GUSB: variants seen among roughly 807,000 people sequenced by gnomAD.
GUSB encodes beta-glucuronidase.
In GUSB, 51 loss-of-function variants were observed where a neutral mutation model predicts 74.6. The observed-to-expected ratio is 0.68, with a 90% CI of 0.55 to 0.86. The LOEUF (loss-of-function observed/expected upper bound fraction) is 0.86, where lower values mean the gene tolerates loss of function less well. GUSB is among the 40% of genes least tolerant of loss of function. The pLI, the probability that GUSB is intolerant of heterozygous loss-of-function variation, is 0.00. For synonymous variants in GUSB, 360 were observed against 348.3 expected, an observed-to-expected ratio of 1.03 and a Z score of -0.37; for missense variants, 736 against 853.7, an observed-to-expected ratio of 0.86 and a Z score of 1.72.
At chr7:65,972,374 C>A (rs116805163) in intron 8 of GUSB, among the ~76,000 whole-genome samples, 2 of 152,120 alleles carry the variant, frequency 1.3e-5, no homozygotes, top group African/African-American at 4.8e-5. Flanking sequence ...CTGTTGGCCA[C>A]GCCGGTCTCA....
At chr7:65,962,831 C>G (rs1790586124) in intron 11 of GUSB, among the ~76,000 whole-genome samples, 2 of 151,542 alleles carry the variant, frequency 1.3e-5, no homozygotes, top group South Asian at 4.2e-4. Context: ...GAGATAGCGC[C>G]ACTGCACTCC....
At chr7:65,975,866 A>T in intron 5 of GUSB, 149 bp downstream of exon 5, 2 of 600,352 alleles carry the variant, frequency 3.3e-6, no homozygotes, top group South Asian at 2.1e-5. Flanking sequence ...AAAAAAAAAA[A>T]GAAAATGGGC....
intron 8 of GUSB, among the ~76,000 whole-genome samples, chr7:65,972,444 G>A (rs1365286280): frequency 6.6e-6 from 1 of 152,146 alleles, no homozygotes; most frequent in African/African-American, 2.4e-5. Context: ...GATTACAGGC[G>A]TGAGCCACCG....
intron 5 of GUSB, chr7:65,975,671 C>T: frequency 4.3e-6 from 1 of 230,894 alleles, no homozygotes; most frequent in Non-Finnish European, 8.6e-6. Flanking sequence ...AGGCATGAGT[C>T]ACTCTGCCCA....
chr7:65,970,375 A>G lies in GUSB; in HGVS notation c.1392-9T>C, dbSNP rs1205282316. ...TGTGAGCGATCACCATCCTGTCCAC[A>G]AAAGGCAGAAGAAACAGGTTCCATC... On this transcript the variant is annotated splice_polypyrimidine_tract_variant and intron_variant, in intron 8 of 11. Transcript: ENST00000304895. The G allele has an allele frequency of 6.2e-7, 1 of 1,601,278 alleles. No homozygotes were observed. The highest frequency in any genetic ancestry group is 2.2e-5 in the East Asian group (1 of 44,752).
At position 65,982,147 on chromosome 7, in the gene GUSB, C is replaced by T. The variant is rs1792077216; in HGVS notation, c.37G>A (p.Gly13Arg). 6.5e-7 allele frequency: 1 copy of T among 1,536,906 alleles called. No homozygotes were observed. Reference protein sequence around the residue: ...RGSAVAWAALGPLLWGCALGL... With the variant: ...RGSAVAWAALRPLLWGCALGL... ...AGCGCGCAGCCCCACAACAACGGCC[C>T]GAGCGCCGCCCAGGCAACCGCCGAC... Residue 13 changes from glycine to arginine, a missense_variant, in exon 1 of 12, where the codon GGG becomes AGG. By Grantham distance (125) the Gly-to-Arg change is moderately radical (BLOSUM62 -2). Transcript: ENST00000304895.
chr7:65,980,082 G>T (rs1791892083), intron 2 of GUSB, 142 bp downstream of exon 2: 2 of 984,340 alleles, frequency 2.0e-6, no homozygotes, highest in Admixed American at 2.0e-5. Context: ...CCCCTATACA[G>T]GGCACAGCCC....
At chr7:65,978,000 C>T (rs1001551410) in intron 4 of GUSB, among the ~76,000 whole-genome samples, 2 of 151,170 alleles carry the variant, frequency 1.3e-5, no homozygotes, top group Admixed American at 1.3e-4. Flanking sequence ...TTAGTAGAGA[C>T]GGAGTTTCAC....
intron 4 of GUSB, among the ~76,000 whole-genome samples, chr7:65,978,634 T>C (rs891316367): frequency 1.3e-5 from 2 of 149,658 alleles, no homozygotes; most frequent in Non-Finnish European, 3.0e-5. Flanking sequence ...TAGCCGGGCG[T>C]GGTGGCGGGT....
intron 11 of GUSB, among the ~76,000 whole-genome samples, chr7:65,963,199 C>T (rs1428821896): frequency 6.6e-6 from 1 of 152,138 alleles, no homozygotes; most frequent in Admixed American, 6.6e-5. Flanking sequence ...CACCTCTCCA[C>T]AAAACTGCCA....
chr7:65,970,167 T>G, intron 9 of GUSB, 115 bp downstream of exon 9: 1 of 749,410 alleles, frequency 1.3e-6, no homozygotes, highest in South Asian at 1.4e-5. Context: ...AAAAAGAAAA[T>G]GAAATAAAAC....
rs181191584 is a variant in GUSB, at chr7:65,976,951, C to T, written c.725-749G>A. Among the ~76,000 whole-genome samples, 283 of 151,948 alleles carry T rather than the reference C, an allele frequency of 1.9e-3. 3 individuals carry two copies. Among genetic ancestry groups the T allele is most frequent in the African/African-American group, 6.6e-3 (275 of 41,498 alleles). On this transcript the variant is annotated intron_variant, in intron 4 of 11. Transcript: ENST00000304895. Reference sequence around the variant, plus strand: ...CCGTGTCCCTCAGACATGCCAACCACGGCACTGAGACACGTGACGTGTGAA... The same window carrying T: ...CCGTGTCCCTCAGACATGCCAACCATGGCACTGAGACACGTGACGTGTGAA...
Position 65,974,517 on chromosome 7 carries a change from G to T in GUSB, c.1244+9C>A. The T allele has an allele frequency of 6.2e-7, 1 of 1,614,158 alleles. No homozygotes were observed. The highest frequency in any genetic ancestry group is 1.1e-5 in the South Asian group (1 of 91,092). On this transcript the variant is annotated intron_variant, in intron 7 of 11. Coordinates refer to ENST00000304895, the MANE Select transcript of GUSB (RefSeq NM_000181.4). ...GGGCAGGCGGAGCAGGTGCACAGCA[G>T]AGACTCACGGCAGCGCCAGGCCCAC...
At chr7:65,967,516 T>C (rs748499247) in intron 10 of GUSB, among the ~76,000 whole-genome samples, 14 of 152,028 alleles carry the variant, frequency 9.2e-5, no homozygotes, top group Admixed American at 3.3e-4. Context: ...GGAGGCTATC[T>C]GGAAACAAAG....
At chr7:65,980,185 G>GACCCCCCCCCCCCC in intron 2 of GUSB, 39 bp downstream of exon 2, 1 of 725,274 alleles carries the variant, frequency 1.4e-6, no homozygotes, top group Non-Finnish European at 2.4e-6. Flanking sequence ...CAGCAGCCGT[G>GACCCCCCCCCCCCC]CCCCCCCACC....
intron 1 of GUSB, among the ~76,000 whole-genome samples, chr7:65,981,008 C>G (rs752728090): frequency 7.2e-5 from 11 of 152,180 alleles, no homozygotes; most frequent in Non-Finnish European, 1.3e-4. Context: ...CTTCCTGCCT[C>G]GGCAGAGCTG....
Position 65,974,996 on chromosome 7 carries a change from C to A in GUSB, c.988G>T (p.Ala330Ser), listed in dbSNP as rs561880652. Residue 330 changes from alanine to serine, a missense_variant, in exon 6 of 12, where the codon GCT becomes TCT. Ala to Ser is a moderately conservative substitution (Grantham distance 99). Coordinates refer to ENST00000304895, the MANE Select transcript of GUSB (RefSeq NM_000181.4). Reference sequence around the variant, plus strand: ...ATGAGGAACTGGCTCTTGGTGACAGCCACAGTGCGGATCCCCACAGGGAGT... The same window carrying A: ...ATGAGGAACTGGCTCTTGGTGACAGACACAGTGCGGATCCCCACAGGGAGT... ...YTLPVGIRTV[A>S]VTKSQFLING... 120 of 1,613,326 alleles carry A rather than the reference C, an allele frequency of 7.4e-5. 2 individuals are homozygous for A. In the South Asian group the frequency reaches 1.1e-3, roughly 15 times the overall value.
chr7:65,966,283 A>G (rs1790829214), intron 10 of GUSB, among the ~76,000 whole-genome samples: 1 of 152,194 alleles, frequency 6.6e-6, no homozygotes, highest in African/African-American at 2.4e-5. Context: ...GCATTCTGTA[A>G]GCACGATAAA....
chr7:65,977,954 G>T (rs1791698292), intron 4 of GUSB, among the ~76,000 whole-genome samples: 1 of 151,940 alleles, frequency 6.6e-6, no homozygotes, highest in South Asian at 2.1e-4. Flanking sequence ...GGGACTACAG[G>T]CCCCTGCCAC....
Sources: gnomAD v4.1 joint callset for allele counts (sites outside exome capture counted in the v4.1 genomes callset) on GRCh38, gnomAD v4.1.1 for gene constraint, MANE v1.5 for transcripts, NCBI Gene and HGNC (gene_info 2026-07-23, HGNC 2026-07-21) for gene names.